Variants in EZH2 observed in about 807,000 individuals in gnomAD.
EZH2 encodes the protein enhancer of zeste 2 polycomb repressive complex 2 subunit, also known as histone-lysine N-methyltransferase EZH2.
A neutral mutation model predicts 98.4 loss-of-function variants in EZH2; 18 were observed. The ratio of observed to expected loss-of-function variants is 0.18; its 90% confidence interval spans 0.13 to 0.27. The LOEUF is 0.27. EZH2 is among the 10% of genes least tolerant of loss of function. The pLI is 1.00. For synonymous variants in EZH2, 338 were observed against 312.3 expected (o/e 1.08, Z -0.87); for missense variants, 470 against 935.1 (o/e 0.50, Z 6.49).
At chr7:148,825,442 T>A (rs955801161) in intron 8 of EZH2, among the ~76,000 whole-genome samples, 4 of 152,224 alleles carry the variant, frequency 2.6e-5, no homozygotes, top group Admixed American at 1.3e-4. Context: ...AAACCACTAA[T>A]ATGTCACACA....
chr7:148,839,065 GA>G (rs1480756727), intron 3 of EZH2, among the ~76,000 whole-genome samples: 13 of 130,440 alleles, frequency 1.0e-4, no homozygotes, highest in African/African-American at 4.2e-4. Flanking sequence ...AGGAAGGAAG[GA>G]AGGAAGGAAG....
chr7:148,873,034 T>C (rs1478271159), intron 1 of EZH2, among the ~76,000 whole-genome samples: 3 of 152,030 alleles, frequency 2.0e-5, no homozygotes, highest in East Asian at 3.9e-4. Context: ...ATGTAAAAAA[T>C]TAGCCAGACA....
At chr7:148,829,896 A>C (rs1808852725) in intron 4 of EZH2, 48 bp from the exon 5 acceptor site, 2 of 1,389,308 alleles carry the variant, frequency 1.4e-6, no homozygotes, top group Non-Finnish European at 2.0e-6. Flanking sequence ...CTAAGTATCA[A>C]ATGTGAAATA....
chr7:148,877,032 G>A (rs1249273835), intron 1 of EZH2, among the ~76,000 whole-genome samples: 1 of 151,844 alleles, frequency 6.6e-6, no homozygotes, highest in Non-Finnish European at 1.5e-5. Flanking sequence ...AGAGTACCAA[G>A]CATATAGTGA....
intron 8 of EZH2, among the ~76,000 whole-genome samples, chr7:148,820,329 C>A (rs1805672272): frequency 6.6e-6 from 1 of 152,174 alleles, no homozygotes; most frequent in African/African-American, 2.4e-5. Flanking sequence ...TGCGGGTACA[C>A]TGCTACATGA....
At chr7:148,861,210 A>G (rs1037729913) in intron 1 of EZH2, among the ~76,000 whole-genome samples, 3 of 148,432 alleles carry the variant, frequency 2.0e-5, no homozygotes, top group Non-Finnish European at 4.4e-5. Flanking sequence ...AATCCTTGTT[A>G]TACTGTATTA....
At chr7:148,809,215 C>G (rs1802378110) in intron 18 of EZH2, 60 bp from the exon 19 acceptor site, 1 of 1,586,958 alleles carries the variant, frequency 6.3e-7, no homozygotes, top group East Asian at 2.2e-5. Context: ...GGTTAACTGA[C>G]TTGTTCACAT....
intron 8 of EZH2, 69 bp downstream of exon 8, chr7:148,826,385 T>A: frequency 8.4e-7 from 1 of 1,191,436 alleles, no homozygotes; most frequent in Non-Finnish European, 1.1e-6. Context: ...CTAGTTGTAA[T>A]AAATGATAGC....
intron 1 of EZH2, among the ~76,000 whole-genome samples, chr7:148,865,887 T>C (rs1818368610): frequency 1.3e-5 from 2 of 152,314 alleles, no homozygotes; most frequent in South Asian, 4.1e-4. Flanking sequence ...TCTAGTAATT[T>C]CAATTTTTGA....
At chr7:148,843,276 G>A (rs1210629449) in intron 3 of EZH2, among the ~76,000 whole-genome samples, 1 of 151,838 alleles carries the variant, frequency 6.6e-6, no homozygotes, top group Non-Finnish European at 1.5e-5. Context: ...TACTCAGGAG[G>A]CTGAGGTGAG....
At position 148,817,471 on chromosome 7, in the gene EZH2, A is replaced by C. The variant is rs957325930; in HGVS notation, c.1241-80T>G. The C allele has an allele frequency of 3.5e-6, 5 of 1,421,550 alleles. No homozygotes were observed. In the East Asian group the frequency reaches 1.2e-4, roughly 34 times the overall value. The allele number at this position is 1,421,550 out of a possible 1,614,324, so 88.1% of individuals were successfully genotyped here. ...AGTACAATTCAGGGTGTGCTTAAGAAAAAAGCGAAAAGATGAGGACAACTC... is the reference window on the plus strand; with the variant it reads ...AGTACAATTCAGGGTGTGCTTAAGACAAAAGCGAAAAGATGAGGACAACTC... On this transcript the variant is annotated intron_variant, in intron 10 of 19. Coordinates refer to ENST00000320356, the MANE Select transcript of EZH2 (RefSeq NM_004456.5).
chr7:148,867,630 T>A (rs924303080), intron 1 of EZH2, among the ~76,000 whole-genome samples: 3 of 152,182 alleles, frequency 2.0e-5, no homozygotes, highest in African/African-American at 7.2e-5. Context: ...CCATGTATCG[T>A]CCTCTTATGT....
intron 1 of EZH2, among the ~76,000 whole-genome samples, chr7:148,870,916 G>A (rs572512112): frequency 4.0e-5 from 6 of 149,032 alleles, no homozygotes; most frequent in South Asian, 2.1e-4. Flanking sequence ...ATGACACAGC[G>A]AGACCTTGTC....
chr7:148,839,053 TAAGGAAGGAAGGAAGGAAGGAAGG>T (rs60020948), intron 3 of EZH2, among the ~76,000 whole-genome samples: 33 of 107,742 alleles, frequency 3.1e-4, no homozygotes, highest in South Asian at 3.9e-4. Flanking sequence ...CTCTGTCAAA[TAAGGAAGGAAGGAAGGAAGGAAGG>T]AAGGAAGGAA....
chr7:148,867,794 A>G (rs1201996016), intron 1 of EZH2, among the ~76,000 whole-genome samples: 1 of 152,220 alleles, frequency 6.6e-6, no homozygotes. Context: ...GCAAATGAGC[A>G]CAGGCTTTTA....
At chr7:148,809,257 C>A in intron 18 of EZH2, 53 bp downstream of exon 18, 1 of 1,585,308 alleles carries the variant, frequency 6.3e-7, no homozygotes, top group Non-Finnish European at 8.7e-7. Context: ...TATTCAAGTC[C>A]ATCATCACAG....
intron 1 of EZH2, among the ~76,000 whole-genome samples, chr7:148,874,446 T>G (rs1477566463): frequency 6.6e-6 from 1 of 151,908 alleles, no homozygotes; most frequent in Non-Finnish European, 1.5e-5. Flanking sequence ...TTCAGAGAGT[T>G]TGGGCTGTTC....
intron 1 of EZH2, among the ~76,000 whole-genome samples, chr7:148,876,932 A>C (rs950995604): frequency 2.0e-5 from 3 of 152,144 alleles, no homozygotes; most frequent in African/African-American, 7.2e-5. Context: ...AACGTACCCA[A>C]ATTAAAATCC....
chr7:148,865,069 T>G (rs28617605), intron 1 of EZH2, among the ~76,000 whole-genome samples: 27,070 of 151,212 alleles, frequency 0.18, 2,637 homozygotes, highest in East Asian at 0.25. Flanking sequence ...AGAGGATGCG[T>G]TAAGCTGAGA....
Sources: gnomAD v4.1 joint callset for allele counts (sites outside exome capture counted in the v4.1 genomes callset) on GRCh38, gnomAD v4.1.1 for gene constraint, MANE v1.5 for transcripts, NCBI Gene and HGNC (gene_info 2026-07-23, HGNC 2026-07-21) for gene names.